Variants in TBCK observed in about 807,000 individuals in gnomAD.
The protein encoded by TBCK is TBC1 domain containing kinase.
Under a neutral mutation model 113.4 loss-of-function variants are expected in TBCK, and 99 were observed. The ratio of observed to expected loss-of-function variants is 0.87; its 90% confidence interval spans 0.74 to 1.03. TBCK has a LOEUF of 1.03. Ranked by LOEUF, TBCK falls within the 50% of genes least tolerant of loss-of-function variation. The pLI is 0.00. For missense variants in TBCK, 1,045 were observed against 1,061.3 expected (o/e 0.98, Z 0.21); for synonymous variants, 369 against 370.8 (o/e 1.00, Z 0.05).
chr4:106,257,544 C>T (rs1164305204), intron 5 of TBCK, among the ~76,000 whole-genome samples: 4 of 151,922 alleles, frequency 2.6e-5, no homozygotes, highest in Non-Finnish European at 5.9e-5. Flanking sequence ...TTTTTAACTC[C>T]TTTTTCATTT....
intron 22 of TBCK, among the ~76,000 whole-genome samples, chr4:106,177,707 A>AGTACAATGCT (rs1397580044): frequency 2.4e-4 from 37 of 151,968 alleles, no homozygotes; most frequent in African/African-American, 8.9e-4. Flanking sequence ...TTTTTATGTC[A>AGTACAATGCT]GTACAATGCT....
At chr4:106,275,518 A>G (rs1412640192) in intron 3 of TBCK, among the ~76,000 whole-genome samples, 1 of 152,218 alleles carries the variant, frequency 6.6e-6, no homozygotes, top group African/African-American at 2.4e-5. Flanking sequence ...TTGTTTATGT[A>G]GAAAATCCTA....
intron 23 of TBCK, among the ~76,000 whole-genome samples, chr4:106,168,044 A>C (rs555682226): frequency 6.6e-6 from 1 of 151,994 alleles, no homozygotes; most frequent in Admixed American, 6.6e-5. Context: ...CTAGACAAAG[A>C]CATTACAAGA....
intron 5 of TBCK, among the ~76,000 whole-genome samples, chr4:106,258,020 T>C (rs1169592370): frequency 6.6e-6 from 1 of 152,112 alleles, no homozygotes; most frequent in African/African-American, 2.4e-5. Context: ...TAAATTGTTA[T>C]ATCAAAAACT....
At chr4:106,100,044 A>T (rs1741368387) in intron 24 of TBCK, among the ~76,000 whole-genome samples, 1 of 152,136 alleles carries the variant, frequency 6.6e-6, no homozygotes, top group African/African-American at 2.4e-5. Context: ...CTCTGCCCAA[A>T]TATCTTTTTC....
intron 24 of TBCK, among the ~76,000 whole-genome samples, chr4:106,103,329 T>G (rs1157913890): frequency 1.3e-5 from 2 of 152,194 alleles, no homozygotes; most frequent in Non-Finnish European, 2.9e-5. Context: ...AATAGCTTAT[T>G]TTGTGTGTAA....
At chr4:106,275,940 A>G (rs1763981657) in intron 3 of TBCK, among the ~76,000 whole-genome samples, 1 of 152,160 alleles carries the variant, frequency 6.6e-6, no homozygotes, top group South Asian at 2.1e-4. Flanking sequence ...TAAAAATACA[A>G]AGAACCAAAA....
intron 23 of TBCK, among the ~76,000 whole-genome samples, chr4:106,129,581 G>A (rs1224539109): frequency 6.6e-6 from 1 of 152,090 alleles, no homozygotes; most frequent in East Asian, 1.9e-4. Context: ...AATTTAAGAT[G>A]TCCTTCTTGT....
At position 106,217,426 on chromosome 4, in the gene TBCK, T is replaced by C. The variant is rs889579865; in HGVS notation, c.1775-4591A>G. On this transcript the variant is annotated intron_variant, in intron 19 of 25. Coordinates refer to ENST00000394708, the MANE Select transcript of TBCK (RefSeq NM_001163435.3). ...TCAGTTAGGAAAAGAGGAAGTCAAA[T>C]TGTCCCTGTTTGCAGATGACATGAT... is the stretch of plus-strand genomic sequence containing the variant. 7.9e-5 allele frequency among the ~76,000 whole-genome samples: 12 copies of C among 152,176 alleles called. No homozygotes were observed. The East Asian group carries it at 1.2e-3, about 15-fold the overall frequency.
At chr4:106,249,763 T>C (rs999484001) in intron 7 of TBCK, among the ~76,000 whole-genome samples, 2 of 152,110 alleles carry the variant, frequency 1.3e-5, no homozygotes, top group African/African-American at 4.8e-5. Context: ...TTTTGCAAAT[T>C]TATTTATAAT....
chr4:106,298,059 C>T (rs1766500342), intron 2 of TBCK, among the ~76,000 whole-genome samples: 2 of 152,142 alleles, frequency 1.3e-5, no homozygotes, highest in Admixed American at 6.5e-5. Flanking sequence ...CCCCCAACAT[C>T]GATTTGCTGT....
At chr4:106,162,766 A>G (rs970532098) in intron 23 of TBCK, among the ~76,000 whole-genome samples, 3 of 152,080 alleles carry the variant, frequency 2.0e-5, no homozygotes, top group Admixed American at 2.0e-4. Flanking sequence ...ACAGGCGAAC[A>G]TGTTCTGACA....
chr4:106,066,759 T>C (rs2149469192), intron 25 of TBCK, among the ~76,000 whole-genome samples: 1 of 152,176 alleles, frequency 6.6e-6, no homozygotes, highest in Non-Finnish European at 1.5e-5. Context: ...ATATTTTATA[T>C]AAATGAAATT....
chr4:106,293,512 T>A (rs1765942323), intron 3 of TBCK, among the ~76,000 whole-genome samples: 1 of 152,134 alleles, frequency 6.6e-6, no homozygotes, highest in South Asian at 2.1e-4. Context: ...AATGCGCTTG[T>A]ATCATCCCAA....
At chr4:106,210,480 T>G (rs1755999643) in intron 20 of TBCK, among the ~76,000 whole-genome samples, 1 of 152,176 alleles carries the variant, frequency 6.6e-6, no homozygotes, top group Admixed American at 6.5e-5. Context: ...TTATAAGCTT[T>G]CAAGGAGGGT....
rs570931622 is a variant in TBCK, at chr4:106,043,064, G to T, written c.*3506C>A. On this transcript the variant is annotated 3_prime_UTR_variant, in exon 26 of 26. Coordinates refer to ENST00000394708, the MANE Select transcript of TBCK (RefSeq NM_001163435.3). ...ATGTATTCCAAAACCTGAGTTCTTGGGGCTTATATTGATACTGGGTATCCC... is the reference window on the plus strand; with the variant it reads ...ATGTATTCCAAAACCTGAGTTCTTGTGGCTTATATTGATACTGGGTATCCC... 1 of 152,214 alleles carries T rather than the reference G, an allele frequency of 6.6e-6. No individual in the cohort carries two copies. The highest frequency in any genetic ancestry group is 2.1e-4 in the South Asian group (1 of 4,826). The allele number at this position is 152,214 out of a possible 1,614,324, so 9.4% of individuals were successfully genotyped here. A position where few individuals can be genotyped will look rare whatever the true frequency, so the allele number is the denominator to read the frequency against.
chr4:106,249,253 C>G (rs947763707), intron 7 of TBCK, among the ~76,000 whole-genome samples: 1 of 152,156 alleles, frequency 6.6e-6, no homozygotes, highest in African/African-American at 2.4e-5. Context: ...TAAAGATACT[C>G]TAGCTCTCTC....
At chr4:106,251,819 T>A in intron 6 of TBCK, 47 bp downstream of exon 6, 5 of 1,409,446 alleles carry the variant, frequency 3.5e-6, no homozygotes, top group African/African-American at 1.5e-5. Flanking sequence ...ATTATTCCAA[T>A]AAATGCACAA....
chr4:106,220,979 C>G (rs1757613076), intron 19 of TBCK, among the ~76,000 whole-genome samples: 2 of 152,144 alleles, frequency 1.3e-5, no homozygotes, highest in East Asian at 1.9e-4. Flanking sequence ...CATTTTAAAA[C>G]AGAAATTCAC....
Sources: gnomAD v4.1 joint callset for allele counts (sites outside exome capture counted in the v4.1 genomes callset) on GRCh38, gnomAD v4.1.1 for gene constraint, MANE v1.5 for transcripts, NCBI Gene and HGNC (gene_info 2026-07-23, HGNC 2026-07-21) for gene names.